The following TEX9 variants were observed in gnomAD, a reference collection of about 807,000 sequenced individuals.
TEX9 encodes the protein testis expressed 9.
In TEX9, 74 loss-of-function variants were observed where a neutral mutation model predicts 59.6. That is an observed-to-expected ratio of 1.24 (90% CI 1.03 to 1.51). The LOEUF is 1.51. Ranked by LOEUF, TEX9 falls within the 40% of genes most tolerant of loss-of-function variation. TEX9 has a pLI of 0.00. For missense variants in TEX9, 522 were observed against 447.8 expected (o/e 1.17, Z -1.49); for synonymous variants, 186 against 152.2 (o/e 1.22, Z -1.64).
In TEX9 at chr15:56,373,485, A is replaced by C. The variant is rs754516815; in HGVS notation, c.164A>C (p.Gln55Pro). The C allele has an allele frequency of 5.7e-6, 9 of 1,575,532 alleles. No homozygotes were observed. In the South Asian group the frequency reaches 1.1e-4, roughly 19 times the overall value. ...CAGGCAAAAACAGCTGACGTGGTTC[A>C]ACAAGCTAAGGAAATAATAGTAAGT... Residue 55 changes from glutamine to proline, a missense_variant, in exon 3 of 13, where the codon CAA becomes CCA. Physicochemically the swap from Gln to Pro is moderately conservative, Grantham distance 76. Coordinates refer to ENST00000352903, the Ensembl canonical transcript of TEX9.
intron 3 of TEX9, chr15:56,374,396 C>T (rs1053667423): frequency 3.3e-5 from 5 of 151,998 alleles, no homozygotes; most frequent in Non-Finnish European, 7.4e-5. Context: ...CTCACTTTCT[C>T]TTTTTAAAAT....
chr15:56,343,165 A>T (rs1241207774), intron 1 of TEX9, among the ~76,000 whole-genome samples: 5 of 152,310 alleles, frequency 3.3e-5, no homozygotes, highest in Non-Finnish European at 2.9e-5. Flanking sequence ...ATCAAAGAAG[A>T]AGTTACTATA....
At chr15:56,359,012 C>G (rs1171383943) in intron 1 of TEX9, among the ~76,000 whole-genome samples, 1 of 152,044 alleles carries the variant, frequency 6.6e-6, no homozygotes, top group Non-Finnish European at 1.5e-5. Context: ...TATAAATTAC[C>G]CAGTCTCAGG....
intron 3 of TEX9, among the ~76,000 whole-genome samples, chr15:56,380,079 C>T (rs2047656074): frequency 6.6e-6 from 1 of 151,962 alleles, no homozygotes; most frequent in Admixed American, 6.6e-5. Context: ...TATTTGTTTT[C>T]TGGTTGTCTT....
intron 9 of TEX9, among the ~76,000 whole-genome samples, chr15:56,405,310 GAAAAA>G (rs1221876149): frequency 1.0e-5 from 1 of 95,964 alleles, no homozygotes; most frequent in Non-Finnish European, 2.2e-5. Flanking sequence ...CCGTCTCAAA[GAAAAA>G]AAAAAAAAAA....
At chr15:56,443,667 C>T (rs748519594) in intron 12 of TEX9, 3 of 1,613,246 alleles carry the variant, frequency 1.9e-6, no homozygotes, top group South Asian at 1.1e-5. Flanking sequence ...CTTTTCTCCT[C>T]ATTTTCTTGA....
the TEX9 span, among the ~76,000 whole-genome samples, chr15:56,452,994 G>A: frequency 6.6e-6 from 1 of 152,000 alleles, no homozygotes; most frequent in Non-Finnish European, 1.5e-5. Context: ...GAGTTTTTTG[G>A]AATAATCAAT....
At chr15:56,456,913 C>G in the TEX9 span, among the ~76,000 whole-genome samples, 2 of 152,016 alleles carry the variant, frequency 1.3e-5, no homozygotes, top group Non-Finnish European at 2.9e-5. Context: ...GAATATCTAC[C>G]TGATCAGAAT....
At chr15:56,254,113 G>T (rs2044091229) in intron 1 of TEX9, among the ~76,000 whole-genome samples, 1 of 152,094 alleles carries the variant, frequency 6.6e-6, no homozygotes, top group Non-Finnish European at 1.5e-5. Flanking sequence ...CAAATCTTAT[G>T]AAATGACAGA....
intron 9 of TEX9, among the ~76,000 whole-genome samples, chr15:56,405,105 AT>A (rs1262521305): frequency 3.9e-5 from 6 of 152,246 alleles, no homozygotes; most frequent in African/African-American, 1.4e-4. Flanking sequence ...CGTTGTGCAC[AT>A]GTACCCTAGA....
At chr15:56,442,721 C>T (rs1309484139) in intron 12 of TEX9, among the ~76,000 whole-genome samples, 1 of 152,064 alleles carries the variant, frequency 6.6e-6, no homozygotes, top group Non-Finnish European at 1.5e-5. Context: ...GGAAAACAGA[C>T]ACTGGGGCCT....
chr15:56,385,535 G>C (rs1178039627), intron 4 of TEX9, among the ~76,000 whole-genome samples: 1 of 152,142 alleles, frequency 6.6e-6, no homozygotes, highest in African/African-American at 2.4e-5. Flanking sequence ...AAGCTTGACA[G>C]TGTTAAAGTA....
At chr15:56,297,839 G>C (rs2045253180) in intron 1 of TEX9, among the ~76,000 whole-genome samples, 1 of 152,196 alleles carries the variant, frequency 6.6e-6, no homozygotes, top group Non-Finnish European at 1.5e-5. Flanking sequence ...ACAGCATTTG[G>C]TAATGTCTTA....
intron 1 of TEX9, among the ~76,000 whole-genome samples, chr15:56,348,185 A>G (rs1254730571): frequency 2.0e-5 from 3 of 152,144 alleles, no homozygotes; most frequent in Non-Finnish European, 4.4e-5. Flanking sequence ...CAATGTGAAT[A>G]TAAAATTATC....
At chr15:56,275,780 A>G (rs1464518548) in intron 1 of TEX9, among the ~76,000 whole-genome samples, 1 of 152,138 alleles carries the variant, frequency 6.6e-6, no homozygotes, top group Admixed American at 6.5e-5. Context: ...TCCTTCATGT[A>G]CTACTGTGCT....
chr15:56,349,580 A>G (rs1158787714), intron 1 of TEX9, among the ~76,000 whole-genome samples: 1 of 152,132 alleles, frequency 6.6e-6, no homozygotes, highest in African/African-American at 2.4e-5. Context: ...CTATTAAAAT[A>G]GGAAACCCAC....
At chr15:56,272,954 T>C (rs1206009207) in intron 1 of TEX9, among the ~76,000 whole-genome samples, 1 of 151,572 alleles carries the variant, frequency 6.6e-6, no homozygotes, top group South Asian at 2.1e-4. Flanking sequence ...TTTGTTGTTG[T>C]TGTTGTTGTT....
chr15:56,429,123 C>T, intron 12 of TEX9: 1 of 1,597,326 alleles, frequency 6.3e-7, no homozygotes, highest in Non-Finnish European at 8.5e-7. Context: ...ACAAATTTCA[C>T]TCCTTTGTTG....
At chr15:56,327,078 A>T (rs2046034460) in intron 1 of TEX9, among the ~76,000 whole-genome samples, 1 of 152,216 alleles carries the variant, frequency 6.6e-6, no homozygotes, top group African/African-American at 2.4e-5. Context: ...ACATTTTGAT[A>T]TTCTTTCATT....
Sources: allele counts gnomAD v4.1 joint callset (sites outside exome capture counted in the v4.1 genomes callset), GRCh38; gene constraint gnomAD v4.1.1; transcripts MANE v1.5; gene names NCBI Gene and HGNC (gene_info 2026-07-23, HGNC 2026-07-21).